The following PCDHAC1 variants were observed in gnomAD, a reference collection of about 807,000 sequenced individuals.
The protein encoded by PCDHAC1 is protocadherin alpha-C1.
In PCDHAC1, 42 loss-of-function variants were observed where a neutral mutation model predicts 60.0. The observed-to-expected ratio is 0.70, with a 90% CI of 0.55 to 0.90. PCDHAC1 has a LOEUF of 0.90. Ranked by LOEUF, PCDHAC1 falls within the 40% of genes least tolerant of loss-of-function variation. PCDHAC1 has a pLI of 0.00. For missense variants in PCDHAC1, 1,160 were observed against 1,222.3 expected (o/e 0.95, Z 0.76); for synonymous variants, 468 against 499.3 (o/e 0.94, Z 0.84).
chr5:140,973,481 G>A (rs537904841), intron 1 of PCDHAC1, among the ~76,000 whole-genome samples: 2 of 152,208 alleles, frequency 1.3e-5, no homozygotes, highest in East Asian at 3.9e-4. Context: ...ATTTCATATT[G>A]GTCACAGGAC....
intron 1 of PCDHAC1, among the ~76,000 whole-genome samples, chr5:140,964,874 A>C (rs1443431100): frequency 6.6e-6 from 1 of 152,178 alleles, no homozygotes; most frequent in East Asian, 1.9e-4. Flanking sequence ...GACAAATAAG[A>C]AGCAGCAGTG....
chr5:140,997,817 A>G (rs570760153), intron 3 of PCDHAC1, among the ~76,000 whole-genome samples: 2 of 152,306 alleles, frequency 1.3e-5, no homozygotes, highest in South Asian at 4.1e-4. Flanking sequence ...GTTGGTATCT[A>G]TGTTTTCTAA....
Position 140,928,388 on chromosome 5 carries a change from C to T in PCDHAC1, c.1496C>T (p.Ala499Val). 6.2e-7 allele frequency: 1 copy of T among 1,614,012 alleles called. No homozygotes were observed. The highest frequency in any genetic ancestry group is 8.5e-7 in the Non-Finnish European group (1 of 1,179,962). ...GGGCCATCAGCCTCTAGCTTGCTGG[C>T]AGTGGAATCATCCAGTGGGGCCATC... ...SEGPSASSLL[A>V]VESSSGAITA... The change falls in exon 1 of 4, where the codon GCA becomes GTA. Residue 499 changes from alanine to valine, a missense_variant. Ala to Val is a moderately conservative substitution (Grantham distance 64). Coordinates refer to ENST00000253807, the MANE Select transcript of PCDHAC1 (RefSeq NM_018898.5).
chr5:141,008,147 G>A (rs782783615), intron 3 of PCDHAC1, among the ~76,000 whole-genome samples: 9 of 152,114 alleles, frequency 5.9e-5, no homozygotes, highest in Non-Finnish European at 1.3e-4. Context: ...CTGCTGAGAG[G>A]TTTGATAAGA....
At chr5:140,970,243 T>C (rs1554232347) in intron 1 of PCDHAC1, among the ~76,000 whole-genome samples, 1 of 152,252 alleles carries the variant, frequency 6.6e-6, no homozygotes, top group Non-Finnish European at 1.5e-5. Flanking sequence ...TGATTTTCTG[T>C]TGACAGTTTC....
intron 3 of PCDHAC1, among the ~76,000 whole-genome samples, chr5:140,992,803 G>A (rs2097529196): frequency 6.6e-6 from 1 of 152,146 alleles, no homozygotes; most frequent in African/African-American, 2.4e-5. Context: ...GGATCCATAT[G>A]TATCTAAGGA....
At chr5:140,941,023 T>C (rs2153648150) in intron 1 of PCDHAC1, among the ~76,000 whole-genome samples, 1 of 152,338 alleles carries the variant, frequency 6.6e-6, no homozygotes, top group African/African-American at 2.4e-5. Flanking sequence ...ATTTTCCTTC[T>C]GGCCTTTTTG....
intron 1 of PCDHAC1, among the ~76,000 whole-genome samples, chr5:140,971,061 G>A (rs2096454888): frequency 6.6e-6 from 1 of 152,154 alleles, no homozygotes; most frequent in Non-Finnish European, 1.5e-5. Context: ...TTTAAATAAG[G>A]TTGCTGTAGA....
rs370640529 is a variant in PCDHAC1, at chr5:140,968,552, C to G, written c.2434-10397C>G. 5 of 1,614,184 alleles carry G rather than the reference C, an allele frequency of 3.1e-6. No homozygotes were observed. The East Asian group carries it at 1.1e-4, about 36-fold the overall frequency. ...GTCAGCAGCCTTCGAGATGGTGCCT[C>G]GAACTGCCCCTGCTGGCTACCTGGT... On this transcript the variant is annotated intron_variant, in intron 1 of 3. Coordinates refer to ENST00000253807, the MANE Select transcript of PCDHAC1 (RefSeq NM_018898.5).
chr5:140,969,251 A>G, intron 1 of PCDHAC1: 1 of 1,614,262 alleles, frequency 6.2e-7, no homozygotes, highest in South Asian at 1.1e-5. Flanking sequence ...AGTGACTGAC[A>G]GCAGGAATCT....
intron 1 of PCDHAC1, among the ~76,000 whole-genome samples, chr5:140,969,881 G>C (rs1554232131): frequency 6.6e-6 from 1 of 152,196 alleles, no homozygotes; most frequent in African/African-American, 2.4e-5. Flanking sequence ...CTATGTGATA[G>C]GATCCTCTGG....
intron 1 of PCDHAC1, among the ~76,000 whole-genome samples, chr5:140,949,947 A>G (rs1554219242): frequency 6.6e-6 from 1 of 151,676 alleles, no homozygotes; most frequent in African/African-American, 2.4e-5. Flanking sequence ...TGCATTTTTT[A>G]GTGGTTGCTG....
intron 1 of PCDHAC1, among the ~76,000 whole-genome samples, chr5:140,948,132 C>G (rs1397250622): frequency 1.3e-5 from 2 of 151,526 alleles, no homozygotes; most frequent in African/African-American, 4.8e-5. Context: ...TTGGATTACA[C>G]TAATTGATTT....
intron 3 of PCDHAC1, among the ~76,000 whole-genome samples, chr5:140,999,024 T>C (rs17119348): frequency 0.023 from 3,497 of 152,332 alleles, 138 homozygotes; most frequent in African/African-American, 0.08. Context: ...CCAAGACTTT[T>C]GATACTTCGT....
At chr5:140,997,668 T>TTA (rs2097778675) in intron 3 of PCDHAC1, among the ~76,000 whole-genome samples, 1 of 148,244 alleles carries the variant, frequency 6.7e-6, no homozygotes, top group African/African-American at 2.5e-5. Flanking sequence ...ATTATACAGC[T>TTA]TGTGTGTGTG....
At chr5:140,961,652 G>A (rs2095627629) in intron 1 of PCDHAC1, among the ~76,000 whole-genome samples, 1 of 152,212 alleles carries the variant, frequency 6.6e-6, no homozygotes, top group Non-Finnish European at 1.5e-5. Context: ...TATGTGGTTA[G>A]TTTGAAGTTA....
intron 3 of PCDHAC1, among the ~76,000 whole-genome samples, chr5:140,995,400 C>T (rs2097681723): frequency 6.6e-6 from 1 of 152,062 alleles, no homozygotes; most frequent in Admixed American, 6.6e-5. Flanking sequence ...CGGGATGGCT[C>T]GAGATTTCAT....
chr5:140,988,299 G>A (rs2097291981), intron 3 of PCDHAC1, among the ~76,000 whole-genome samples: 2 of 152,218 alleles, frequency 1.3e-5, no homozygotes, highest in Non-Finnish European at 2.9e-5. Context: ...GCCCAGGAGT[G>A]CCAGCTTGGC....
chr5:141,009,863 A>G lies in PCDHAC1; in HGVS notation c.2818A>G (p.Lys940Glu). 1 of 1,614,104 alleles carries G rather than the reference A, an allele frequency of 6.2e-7. No homozygotes were observed. Among genetic ancestry groups the G allele is most frequent in the Non-Finnish European group, 8.5e-7 (1 of 1,180,006 alleles). Residue 940 changes from lysine to glutamate, a missense_variant, in exon 4 of 4, where the codon AAA becomes GAA. Coordinates refer to ENST00000253807, the MANE Select transcript of PCDHAC1 (RefSeq NM_018898.5). ...GKKEETKKKK[K>E]KKKGNKTQEK... ...AAAGGAGGAGACCAAGAAAAAGAAG[A>G]AAAAGAAGAAGGGTAACAAGACCCA...
Sources: allele counts gnomAD v4.1 joint callset (sites outside exome capture counted in the v4.1 genomes callset), GRCh38; gene constraint gnomAD v4.1.1; transcripts MANE v1.5; gene names NCBI Gene and HGNC (gene_info 2026-07-23, HGNC 2026-07-21).